CNTNAP5: variants seen among roughly 807,000 people sequenced by gnomAD.
CNTNAP5 encodes contactin-associated protein-like 5.
A neutral mutation model predicts 150.2 loss-of-function variants in CNTNAP5; 72 were observed. The ratio of observed to expected loss-of-function variants is 0.48; its 90% CI spans 0.40 to 0.58. The LOEUF is 0.58. Among genes scored for constraint, CNTNAP5 ranks in the 20% least tolerant of loss-of-function variants. The pLI, the probability that CNTNAP5 is intolerant of heterozygous loss-of-function variation, is 0.00. For missense variants in CNTNAP5, 1,636 were observed against 1,626.2 expected (o/e 1.01, Z -0.10); for synonymous variants, 672 against 619.8 (o/e 1.08, Z -1.25).
At chr2:124,797,518 G>T (rs1681871781) in intron 18 of CNTNAP5, among the ~76,000 whole-genome samples, 2 of 152,158 alleles carry the variant, frequency 1.3e-5, no homozygotes, top group Admixed American at 1.3e-4. Context: ...GGAGACCTAT[G>T]TCTTTTCTAC....
At chr2:124,448,127 G>T (rs1692869570) in intron 6 of CNTNAP5, among the ~76,000 whole-genome samples, 1 of 152,016 alleles carries the variant, frequency 6.6e-6, no homozygotes, top group Non-Finnish European at 1.5e-5. Flanking sequence ...AACTAGCCGG[G>T]CATGGTGGCT....
chr2:124,458,315 A>G (rs1172403440), intron 6 of CNTNAP5, among the ~76,000 whole-genome samples: 1 of 74,096 alleles, frequency 1.3e-5, no homozygotes, highest in Non-Finnish European at 2.7e-5. Flanking sequence ...ATATATATAT[A>G]TAAAATGGAA....
At chr2:124,172,885 A>T (rs1260394038) in intron 1 of CNTNAP5, among the ~76,000 whole-genome samples, 1 of 151,622 alleles carries the variant, frequency 6.6e-6, no homozygotes. Flanking sequence ...GCTTTATTTC[A>T]CTTTGAAGAT....
intron 13 of CNTNAP5, among the ~76,000 whole-genome samples, chr2:124,723,136 T>G (rs1558750836): frequency 3.3e-5 from 5 of 152,210 alleles, no homozygotes; most frequent in African/African-American, 9.6e-5. Context: ...TTCTTTTTGC[T>G]TGACAGTTGC....
intron 1 of CNTNAP5, among the ~76,000 whole-genome samples, chr2:124,191,428 A>C (rs1392293897): frequency 6.6e-6 from 1 of 152,190 alleles, no homozygotes. Flanking sequence ...CTTTCATAAA[A>C]TATTTCTTGC....
intron 21 of CNTNAP5, among the ~76,000 whole-genome samples, chr2:124,881,400 A>G (rs978771471): frequency 2.6e-5 from 4 of 152,024 alleles, no homozygotes; most frequent in African/African-American, 7.3e-5. Flanking sequence ...GGACAAGAGG[A>G]AAGGAAATTA....
chr2:124,291,404 C>T (rs562930880), intron 3 of CNTNAP5, among the ~76,000 whole-genome samples: 30 of 152,170 alleles, frequency 2.0e-4, no homozygotes, highest in African/African-American at 6.0e-4. Context: ...ATTACAAATA[C>T]TGGCAACTAT....
rs181129177 is a variant in CNTNAP5, at chr2:124,349,651, C to T, written c.382-67792C>T. ...CTATACTTCCAATTCAGTGGCATTT[C>T]CTTCAACATAGTCACAGTGGGAAAT... On this transcript the variant is annotated intron_variant, in intron 3 of 23. Transcript: ENST00000682447. Among the ~76,000 whole-genome samples the T allele has an allele frequency of 3.3e-5, 5 of 152,208 alleles. No individual in the cohort carries two copies. In the East Asian group the frequency reaches 9.7e-4, roughly 29 times the overall value.
rs139106169 is a variant in CNTNAP5, at chr2:124,491,949, G to T, written c.1063-12343G>T. ...TTGCTCTTTTTATTATATTATTTGG[G>T]TTTTTTGTTTGTTTGTTTTGTTTTT... On this transcript the variant is annotated intron_variant, in intron 7 of 23. Coordinates refer to ENST00000682447, the MANE Select transcript of CNTNAP5 (RefSeq NM_001367498.1). Among the ~76,000 whole-genome samples the T allele has an allele frequency of 7.2e-3, 1,091 of 151,850 alleles. 18 individuals carry two copies. Among genetic ancestry groups the T allele is most frequent in the African/African-American group, 0.024 (1,012 of 41,438 alleles).
Position 124,438,253 on chromosome 2 carries a change from T to C in CNTNAP5, c.733+3566T>C, listed in dbSNP as rs576332739. ...GAAAGAGATTTCTTCTTTCAATCCA[T>C]AAGGGGTTAGATATGTTTCCTTTCT... On this transcript the variant is annotated intron_variant, in intron 5 of 23. Transcript: ENST00000682447. Among the ~76,000 whole-genome samples, 8 of 152,264 alleles carry C rather than the reference T, an allele frequency of 5.3e-5. No homozygotes were observed. The East Asian group carries it at 1.4e-3, about 26-fold the overall frequency.
chr2:124,079,648 T>C (rs1682515504), intron 1 of CNTNAP5, among the ~76,000 whole-genome samples: 1 of 152,160 alleles, frequency 6.6e-6, no homozygotes, highest in East Asian at 1.9e-4. Flanking sequence ...ATCAGAAGTG[T>C]GTGGTTTCTG....
intron 1 of CNTNAP5, among the ~76,000 whole-genome samples, chr2:124,072,508 T>C (rs989997509): frequency 1.3e-5 from 2 of 151,928 alleles, no homozygotes; most frequent in Non-Finnish European, 2.9e-5. Flanking sequence ...TTATTAGAAC[T>C]GATAAACAAA....
intron 13 of CNTNAP5, among the ~76,000 whole-genome samples, chr2:124,696,668 A>G (rs1679412471): frequency 6.6e-6 from 1 of 152,196 alleles, no homozygotes; most frequent in Admixed American, 6.6e-5. Context: ...CCCAGAACTC[A>G]GGGCGACTTG....
At chr2:124,586,247 A>G (rs1489365509) in intron 11 of CNTNAP5, among the ~76,000 whole-genome samples, 1 of 152,186 alleles carries the variant, frequency 6.6e-6, no homozygotes, top group African/African-American at 2.4e-5. Context: ...TTCTAGTTGT[A>G]TGACTCAACT....
chr2:124,772,941 C>A lies in CNTNAP5; in HGVS notation c.2676C>A (p.Asp892Glu), dbSNP rs1313414945. ...TCAAGGAGACCTCCCTGCAGGTGGA[C>A]AACCTTCCAAGGAGCACCAGGGAGA... ...RNLKETSLQV[D>E]NLPRSTRETS... Residue 892 changes from aspartate to glutamate, a missense_variant, in exon 17 of 24, where the codon GAC (aspartate) becomes GAA (glutamate). Asp to Glu is a conservative substitution (Grantham distance 45). Transcript: ENST00000682447. The A allele has an allele frequency of 1.2e-6, 2 of 1,613,734 alleles. No homozygotes were observed. Among genetic ancestry groups the A allele is most frequent in the Non-Finnish European group, 1.7e-6 (2 of 1,179,728 alleles).
chr2:124,721,243 C>T (rs1488249686), intron 13 of CNTNAP5, among the ~76,000 whole-genome samples: 1 of 152,118 alleles, frequency 6.6e-6, no homozygotes, highest in African/African-American at 2.4e-5. Flanking sequence ...GTTTGGGAGG[C>T]CGAGGCACGT....
At chr2:124,747,914 G>C (rs928376128) in intron 14 of CNTNAP5, among the ~76,000 whole-genome samples, 1 of 149,660 alleles carries the variant, frequency 6.7e-6, no homozygotes, top group Non-Finnish European at 1.5e-5. Flanking sequence ...TGGGATTACA[G>C]GCATGAGCCA....
At chr2:124,515,262 C>A (rs1694682745) in intron 8 of CNTNAP5, among the ~76,000 whole-genome samples, 1 of 152,200 alleles carries the variant, frequency 6.6e-6, no homozygotes, top group South Asian at 2.1e-4. Flanking sequence ...GCGCAGAATG[C>A]TGCCCTGCTG....
At chr2:124,762,473 A>G (rs986868499) in intron 14 of CNTNAP5, among the ~76,000 whole-genome samples, 4 of 152,130 alleles carry the variant, frequency 2.6e-5, no homozygotes, top group Admixed American at 6.6e-5. Context: ...AGAGTAGTTC[A>G]GGAACAAAGA....
Sources: allele counts gnomAD v4.1 joint callset (sites outside exome capture counted in the v4.1 genomes callset), GRCh38; gene constraint gnomAD v4.1.1; transcripts MANE v1.5; gene names NCBI Gene and HGNC (gene_info 2026-07-23, HGNC 2026-07-21).